DST: variants seen among roughly 807,000 people sequenced by gnomAD.
DST encodes dystonin.
Under a neutral mutation model 875.2 loss-of-function variants are expected in DST, and 253 were observed. That is an observed-to-expected ratio of 0.29 (90% CI 0.26 to 0.32). The LOEUF (loss-of-function observed/expected upper bound fraction) is 0.32. Among genes scored for constraint, DST ranks in the 10% least tolerant of loss-of-function variants. DST has a pLI of 1.00. For synonymous variants in DST, 3,124 were observed against 3,197.1 expected (o/e 0.98, Z 0.77); for missense variants, 8,287 against 9,111.6 (o/e 0.91, Z 3.68).
At chr6:56,562,762 C>T (rs563352688) in intron 55 of DST, among the ~76,000 whole-genome samples, 389 of 151,750 alleles carry the variant, frequency 2.6e-3, no homozygotes, top group African/African-American at 7.6e-3. Context: ...TGACAGGCCC[C>T]GGTGTGTAAT....
In DST at chr6:56,561,457, T is replaced by C; in HGVS notation, c.14161A>G (p.Thr4721Ala). The change falls in exon 57 of 104, where the codon ACT becomes GCT. Residue 4721 changes from threonine to alanine, a missense_variant. This residue lies in a region of DST where 1,513 missense variants were observed against 1,677.8 expected (regional missense o/e 0.90). Transcript: ENST00000680361. Reference protein sequence around the residue: ...LLKDKIAELNTKLSKLQKAQE... With the variant: ...LLKDKIAELNAKLSKLQKAQE... Reference sequence around the variant, plus strand: ...GCCTTTTGCAATTTGGAGAGTTTAGTGTTCAGTTCCGCTATTTTGTCCTTG... The same window carrying C: ...GCCTTTTGCAATTTGGAGAGTTTAGCGTTCAGTTCCGCTATTTTGTCCTTG... The C allele has an allele frequency of 6.2e-7, 1 of 1,613,924 alleles. No homozygotes were observed. Among genetic ancestry groups the C allele is most frequent in the South Asian group, 1.1e-5 (1 of 91,068 alleles).
chr6:56,581,390 C>T (rs2097987402), intron 49 of DST, among the ~76,000 whole-genome samples: 1 of 152,026 alleles, frequency 6.6e-6, no homozygotes, highest in Non-Finnish European at 1.5e-5. Context: ...ACTCTGTCCC[C>T]AAAGATTAAA....
chr6:56,752,979 C>G (rs553673550), intron 4 of DST, among the ~76,000 whole-genome samples: 1 of 151,870 alleles, frequency 6.6e-6, no homozygotes, highest in Non-Finnish European at 1.5e-5. Flanking sequence ...TTAGTAGAGA[C>G]GGGGTTTCTC....
intron 3 of DST, among the ~76,000 whole-genome samples, chr6:56,898,144 C>T (rs1254959960): frequency 1.3e-5 from 2 of 152,186 alleles, no homozygotes; most frequent in Non-Finnish European, 2.9e-5. Flanking sequence ...ACTGCAGAGA[C>T]CTCCTTTTTT....
At chr6:56,911,748 G>T (rs755628255) in intron 2 of DST, among the ~76,000 whole-genome samples, 1 of 152,152 alleles carries the variant, frequency 6.6e-6, no homozygotes, top group Admixed American at 6.5e-5. Flanking sequence ...CAAAGACTAC[G>T]AGGTTGAAGC....
chr6:56,552,475 A>G lies in DST; in HGVS notation c.16317T>C (p.Asn5439=), dbSNP rs2152555103. 2 of 1,613,880 alleles carry G rather than the reference A, an allele frequency of 1.2e-6. No homozygotes were observed. Among genetic ancestry groups the G allele is most frequent in the East Asian group, 2.2e-5 (1 of 44,866 alleles). Residue 5439 remains asparagine, a synonymous_variant, in exon 61 of 104, where the codon AAT becomes AAC. Transcript: ENST00000680361. The stretch of plus-strand genomic sequence containing the variant: ...TCTTGCAGGTTTTATTGGCATTGTC[A>G]TTGCTTGCCATGAGGGCTTCTAGTT... ...LKKLEALMAS[N]DNANKTCKMM...
chr6:56,527,041 C>T (rs1189931049), intron 68 of DST, among the ~76,000 whole-genome samples: 21 of 152,098 alleles, frequency 1.4e-4, no homozygotes, highest in African/African-American at 4.8e-4. Flanking sequence ...CCCTTTCACC[C>T]ACATGTGATC....
rs910295832 is a variant in DST, at chr6:56,515,758, A to G, written c.18358-90T>C. On this transcript the variant is annotated intron_variant, in intron 71 of 103. Transcript: ENST00000680361. ...TCTGTCCAGCACAGTACACCTGGAC[A>G]GAGTGGGCGTTTGACAAATATATGT... 9 of 952,112 alleles carry G rather than the reference A, an allele frequency of 9.5e-6. No individual in the cohort carries two copies. In the African/African-American group the frequency reaches 1.5e-4, roughly 16 times the overall value. The allele number at this position is 952,112 out of a possible 1,614,324, so 59.0% of individuals were successfully genotyped here. A position where few individuals can be genotyped will look rare whatever the true frequency, so the allele number is the denominator to read the frequency against.
chr6:56,902,640 C>T (rs557924221), intron 2 of DST, among the ~76,000 whole-genome samples: 41 of 152,318 alleles, frequency 2.7e-4, no homozygotes, highest in African/African-American at 9.6e-4. Flanking sequence ...CTAATCCATC[C>T]GCAAATACTT....
At chr6:56,776,608 G>C (rs1365038284) in intron 4 of DST, among the ~76,000 whole-genome samples, 2 of 151,884 alleles carry the variant, frequency 1.3e-5, no homozygotes, top group Non-Finnish European at 2.9e-5. Context: ...TAATACTATT[G>C]TAAAATCTAA....
chr6:56,892,216 T>C (rs567977217), intron 3 of DST, among the ~76,000 whole-genome samples: 1 of 152,148 alleles, frequency 6.6e-6, no homozygotes, highest in Non-Finnish European at 1.5e-5. Flanking sequence ...TTTCCAGCTT[T>C]ATCTTGTATT....
chr6:56,537,584 G>A (rs1404423925), intron 61 of DST, among the ~76,000 whole-genome samples: 1 of 152,200 alleles, frequency 6.6e-6, no homozygotes, highest in Non-Finnish European at 1.5e-5. Context: ...AGATGCCAAT[G>A]GACTCTCAAG....
Position 56,561,764 on chromosome 6 carries a change from G to A in DST, c.14069-215C>T, listed in dbSNP as rs9357923. 0.38 allele frequency among the ~76,000 whole-genome samples: 58,206 copies of A among 151,836 alleles called. 11,497 individuals carry two copies. Among genetic ancestry groups the A allele is most frequent in the Admixed American group, 0.43 (6,631 of 15,260 alleles). On this transcript the variant is annotated intron_variant, in intron 56 of 103. Coordinates refer to ENST00000680361, the MANE Select transcript of DST (RefSeq NM_001374736.1). Reference sequence around the variant, plus strand: ...AATTCAAGAAAATTGCATAACAAGTGAAATAAAAAAGACATTTTAAATGTA... The same window carrying A: ...AATTCAAGAAAATTGCATAACAAGTAAAATAAAAAAGACATTTTAAATGTA...
chr6:56,790,122 T>C (rs1208224692), intron 4 of DST, among the ~76,000 whole-genome samples: 1 of 152,156 alleles, frequency 6.6e-6, no homozygotes, highest in African/African-American at 2.4e-5. Flanking sequence ...TTCCTGGACA[T>C]GTTTTCCTTT....
intron 4 of DST, among the ~76,000 whole-genome samples, chr6:56,768,673 TAA>T (rs950229175): frequency 2.6e-5 from 4 of 152,062 alleles, no homozygotes; most frequent in African/African-American, 9.7e-5. Flanking sequence ...TCATGATCCA[TAA>T]AAGAAAAAAC....
At chr6:56,826,356 A>T (rs1418090473) in intron 4 of DST, among the ~76,000 whole-genome samples, 2 of 152,228 alleles carry the variant, frequency 1.3e-5, no homozygotes, top group East Asian at 3.8e-4. Context: ...AAAAACTGGC[A>T]ATATTTTATA....
intron 3 of DST, among the ~76,000 whole-genome samples, chr6:56,889,083 T>A (rs950527724): frequency 2.6e-5 from 4 of 152,196 alleles, no homozygotes; most frequent in African/African-American, 9.6e-5. Flanking sequence ...TTATAAGCGA[T>A]CCTCAGTCCT....
At chr6:56,498,765 C>T (rs547908007) in intron 80 of DST, among the ~76,000 whole-genome samples, 7 of 152,162 alleles carry the variant, frequency 4.6e-5, no homozygotes, top group East Asian at 3.9e-4. Context: ...TTCTCTCATA[C>T]GAGGGGTCCT....
chr6:56,775,028 T>C (rs2099675807), intron 4 of DST, among the ~76,000 whole-genome samples: 2 of 143,904 alleles, frequency 1.4e-5, no homozygotes, highest in South Asian at 4.5e-4. Flanking sequence ...GAAATACAAA[T>C]CCCTAACATC....
Sources: allele counts gnomAD v4.1 joint callset (sites outside exome capture counted in the v4.1 genomes callset), GRCh38; gene constraint gnomAD v4.1.1; regional missense constraint gnomAD v4.1.1; transcripts MANE v1.5; gene names NCBI Gene and HGNC (gene_info 2026-07-23, HGNC 2026-07-21).